Variants in SAMD12 observed in about 807,000 individuals in gnomAD.
SAMD12 encodes sterile alpha motif domain containing 12.
A neutral mutation model predicts 15.0 loss-of-function variants in SAMD12; 9 were observed. The observed-to-expected ratio is 0.60, with a 90% CI of 0.36 to 1.05. The LOEUF is 1.05. Among genes scored for constraint, SAMD12 ranks in the 50% least tolerant of loss-of-function variants. The pLI is 0.01. For synonymous variants in SAMD12, 86 were observed against 90.1 expected (o/e 0.96, Z 0.25); for missense variants, 230 against 234.2 (o/e 0.98, Z 0.12).
At chr8:118,617,119 C>T (rs1828258631) in intron 1 of SAMD12, among the ~76,000 whole-genome samples, 1 of 152,128 alleles carries the variant, frequency 6.6e-6, no homozygotes, top group Non-Finnish European at 1.5e-5. Flanking sequence ...CCCTCCAACC[C>T]AAAGTCAGAA....
intron 2 of SAMD12, among the ~76,000 whole-genome samples, chr8:118,478,072 C>T (rs180774422): frequency 3.3e-5 from 5 of 151,296 alleles, no homozygotes; most frequent in Admixed American, 2.6e-4. Context: ...CCTGACTCTG[C>T]ACCTCTAGTT....
chr8:118,258,977 T>C (rs1813017316), intron 4 of SAMD12, among the ~76,000 whole-genome samples: 2 of 152,102 alleles, frequency 1.3e-5, no homozygotes, highest in Admixed American at 1.3e-4. Context: ...AGATGTGTTC[T>C]ATGAAAAGCT....
chr8:118,468,628 T>G (rs567462239), intron 2 of SAMD12, among the ~76,000 whole-genome samples: 1 of 152,120 alleles, frequency 6.6e-6, no homozygotes. Flanking sequence ...GGCAGAATGC[T>G]GGGCACACAG....
chr8:118,149,866 G>A, the SAMD12 span, among the ~76,000 whole-genome samples: 1 of 151,988 alleles, frequency 6.6e-6, no homozygotes, highest in African/African-American at 2.4e-5. Context: ...TTGATCCTTT[G>A]TTGAAAATTA....
chr8:118,394,177 A>G (rs955028306), intron 3 of SAMD12, among the ~76,000 whole-genome samples: 4 of 152,202 alleles, frequency 2.6e-5, no homozygotes, highest in Non-Finnish European at 5.9e-5. Context: ...GAAGTCCAAA[A>G]TTTGATGTCA....
At chr8:118,587,945 T>C (rs1827493131) in intron 1 of SAMD12, among the ~76,000 whole-genome samples, 1 of 152,296 alleles carries the variant, frequency 6.6e-6, no homozygotes, top group Admixed American at 6.5e-5. Context: ...CCTAGTAAAA[T>C]GTTCTGGTCT....
chr8:118,327,521 A>G (rs936985434), intron 4 of SAMD12, among the ~76,000 whole-genome samples: 1 of 152,194 alleles, frequency 6.6e-6, no homozygotes, highest in Non-Finnish European at 1.5e-5. Flanking sequence ...GTCTCCCAGT[A>G]TATGGAAGAA....
At chr8:118,329,172 A>G (rs1342234332) in intron 4 of SAMD12, among the ~76,000 whole-genome samples, 1 of 152,132 alleles carries the variant, frequency 6.6e-6, no homozygotes, top group African/African-American at 2.4e-5. Flanking sequence ...GATGAGTGGA[A>G]GGAACATGGT....
chr8:118,501,681 C>T (rs937150384), intron 2 of SAMD12, among the ~76,000 whole-genome samples: 3 of 152,132 alleles, frequency 2.0e-5, no homozygotes, highest in African/African-American at 7.2e-5. Flanking sequence ...CAGTGCTTCT[C>T]AAACTTTAAT....
At chr8:118,348,770 C>T (rs949548647) in intron 4 of SAMD12, among the ~76,000 whole-genome samples, 1 of 152,212 alleles carries the variant, frequency 6.6e-6, no homozygotes, top group Non-Finnish European at 1.5e-5. Flanking sequence ...GCACAGACAA[C>T]AATCCTGTGG....
chr8:118,474,447 C>A (rs1158951175), intron 2 of SAMD12, among the ~76,000 whole-genome samples: 2 of 152,062 alleles, frequency 1.3e-5, no homozygotes, highest in African/African-American at 4.8e-5. Flanking sequence ...ATGGTGCGAT[C>A]TCAGCTCACT....
chr8:118,538,476 T>C (rs900569467), intron 2 of SAMD12, among the ~76,000 whole-genome samples: 1 of 152,152 alleles, frequency 6.6e-6, no homozygotes, highest in African/African-American at 2.4e-5. Flanking sequence ...CTGGTTTAAA[T>C]TCTCCCCTGT....
At chr8:118,253,564 C>T (rs561513742) in intron 4 of SAMD12, among the ~76,000 whole-genome samples, 1 of 152,258 alleles carries the variant, frequency 6.6e-6, no homozygotes, top group African/African-American at 2.4e-5. Flanking sequence ...TCTTTAGTAT[C>T]AATGCTGACA....
Position 118,289,043 on chromosome 8 carries a change from GT to G in SAMD12, c.433+90516del, listed in dbSNP as rs1353651258. On this transcript the variant is annotated intron_variant, in intron 4 of 4. Transcript: ENST00000409003. ...TTCTGTAATATATTAGCAAATCCTG[GT>G]AGCTTCAATTTTGTTTCATTACATT... Among the ~76,000 whole-genome samples, 10 of 152,246 alleles carry G rather than the reference GT, an allele frequency of 6.6e-5. No individual in the cohort carries two copies. In the East Asian group the frequency reaches 1.9e-3, roughly 29 times the overall value.
chr8:118,455,406 C>T (rs533996994), intron 2 of SAMD12, among the ~76,000 whole-genome samples: 2 of 152,012 alleles, frequency 1.3e-5, no homozygotes, highest in African/African-American at 4.8e-5. Context: ...ATCCACACAA[C>T]ATAAAATGGT....
the SAMD12 span, among the ~76,000 whole-genome samples, chr8:118,158,503 A>G: frequency 1.3e-5 from 2 of 152,198 alleles, no homozygotes; most frequent in South Asian, 2.1e-4. Context: ...TAGCTGCAGC[A>G]TGCATTGGCC....
At chr8:118,392,790 G>T (rs1820354397) in intron 3 of SAMD12, among the ~76,000 whole-genome samples, 1 of 152,114 alleles carries the variant, frequency 6.6e-6, no homozygotes, top group Non-Finnish European at 1.5e-5. Flanking sequence ...TGCACTGCAG[G>T]ATGCTGTGTG....
At chr8:118,389,370 TGCCCTAAGGGATGACTAAGAAAAGGTA>T (rs1820146271) in intron 3 of SAMD12, among the ~76,000 whole-genome samples, 1 of 152,178 alleles carries the variant, frequency 6.6e-6, no homozygotes, top group Non-Finnish European at 1.5e-5. Flanking sequence ...TGAAGAGAAC[TGCCCTAAGGGATGACTAAGAAAAGGTA>T]GACTGAAGCT....
chr8:118,394,994 T>C (rs1820483378), intron 3 of SAMD12: 1 of 152,224 alleles, frequency 6.6e-6, no homozygotes, highest in South Asian at 2.1e-4. Context: ...CACTACCCAG[T>C]AAGTTGCTTA....
Sources: gnomAD v4.1 joint callset for allele counts (sites outside exome capture counted in the v4.1 genomes callset) on GRCh38, gnomAD v4.1.1 for gene constraint, MANE v1.5 for transcripts, NCBI Gene and HGNC (gene_info 2026-07-23, HGNC 2026-07-21) for gene names.